CTNNA3: variants seen among roughly 807,000 people sequenced by gnomAD.
The protein encoded by CTNNA3 is catenin alpha-3.
In CTNNA3, 76 loss-of-function variants were observed where a neutral mutation model predicts 95.7. The observed-to-expected ratio is 0.79, with a 90% CI of 0.66 to 0.96. The LOEUF (loss-of-function observed/expected upper bound fraction) is 0.96, where lower values mean the gene tolerates loss of function less well. Among genes scored for constraint, CTNNA3 ranks in the 40% least tolerant of loss-of-function variants. The probability of loss-of-function intolerance (pLI) is 0.00; values close to 1 mark genes in which losing one functional copy is unlikely to be tolerated. For synonymous variants in CTNNA3, 431 were observed against 374.4 expected, an observed-to-expected ratio of 1.15 and a Z score of -1.74; for missense variants, 1,191 against 1,089.8, an observed-to-expected ratio of 1.09 and a Z score of -1.31.
chr10:66,248,358 A>AC (rs58248940), intron 13 of CTNNA3, among the ~76,000 whole-genome samples: 195 of 151,340 alleles, frequency 1.3e-3, no homozygotes, highest in Non-Finnish European at 2.0e-3. Flanking sequence ...TAAAAAAAAA[A>AC]CAGAAAAAAA....
intron 11 of CTNNA3, among the ~76,000 whole-genome samples, chr10:66,474,219 C>T (rs903113524): frequency 3.9e-5 from 6 of 151,930 alleles, no homozygotes; most frequent in African/African-American, 1.5e-4. Context: ...TTATTGATTC[C>T]TTCCCCTCTA....
chr10:66,088,488 TGTG>T (rs2081073195), intron 14 of CTNNA3, among the ~76,000 whole-genome samples: 4 of 27,640 alleles, frequency 1.4e-4, no homozygotes, highest in East Asian at 1.0e-3. Flanking sequence ...AGGTGTTTTG[TGTG>T]TGTGTGTGTG....
intron 7 of CTNNA3, among the ~76,000 whole-genome samples, chr10:67,036,801 A>G (rs929172107): frequency 6.6e-6 from 1 of 152,186 alleles, no homozygotes; most frequent in Non-Finnish European, 1.5e-5. Flanking sequence ...TTCTTCCCTC[A>G]AAACACATAT....
At chr10:66,841,934 G>C (rs1465576552) in intron 7 of CTNNA3, among the ~76,000 whole-genome samples, 1 of 151,982 alleles carries the variant, frequency 6.6e-6, no homozygotes, top group East Asian at 1.9e-4. Flanking sequence ...AATTTCCCAT[G>C]TGCTACTTTT....
chr10:67,637,104 T>TA (rs773898621), intron 2 of CTNNA3, among the ~76,000 whole-genome samples: 13 of 152,238 alleles, frequency 8.5e-5, no homozygotes, highest in East Asian at 7.7e-4. Context: ...GCAAAGAAGT[T>TA]AAAAACCTTG....
chr10:66,131,110 C>A (rs199955565), intron 13 of CTNNA3, among the ~76,000 whole-genome samples: 2 of 149,742 alleles, frequency 1.3e-5, no homozygotes, highest in African/African-American at 4.9e-5. Context: ...CTGGACCAGA[C>A]GGATTCATAG....
At chr10:67,690,073 T>A (rs1840813046) in intron 1 of CTNNA3, among the ~76,000 whole-genome samples, 1 of 152,128 alleles carries the variant, frequency 6.6e-6, no homozygotes, top group Non-Finnish European at 1.5e-5. Context: ...AGATGGTGTG[T>A]CTGGAGTTTA....
chr10:67,146,488 T>C (rs1204931377), intron 7 of CTNNA3, among the ~76,000 whole-genome samples: 1 of 152,196 alleles, frequency 6.6e-6, no homozygotes, highest in Non-Finnish European at 1.5e-5. Flanking sequence ...ATGCATATTA[T>C]AGCCACACAT....
At chr10:67,497,743 A>C (rs561806528) in intron 5 of CTNNA3, among the ~76,000 whole-genome samples, 16 of 152,218 alleles carry the variant, frequency 1.1e-4, no homozygotes, top group African/African-American at 3.9e-4. Context: ...TTTGAGAAAT[A>C]TCTGTTCATA....
chr10:67,253,347 A>G (rs1005837381), intron 5 of CTNNA3, among the ~76,000 whole-genome samples: 3 of 152,190 alleles, frequency 2.0e-5, no homozygotes, highest in Non-Finnish European at 4.4e-5. Context: ...CAAATTATTT[A>G]TTTCTAGATT....
At chr10:67,717,009 C>T (rs1420310653) in intron 1 of CTNNA3, among the ~76,000 whole-genome samples, 2 of 152,178 alleles carry the variant, frequency 1.3e-5, no homozygotes, top group Non-Finnish European at 2.9e-5. Flanking sequence ...TTAATGATCG[C>T]CAGTCTAACT....
chr10:67,170,788 A>C (rs370479148), intron 7 of CTNNA3, among the ~76,000 whole-genome samples: 3 of 152,190 alleles, frequency 2.0e-5, no homozygotes, highest in African/African-American at 7.2e-5. Context: ...AAAAAACCAC[A>C]AACACTATGA....
intron 17 of CTNNA3, among the ~76,000 whole-genome samples, chr10:65,947,720 G>A (rs1352870211): frequency 1.3e-5 from 2 of 152,244 alleles, no homozygotes; most frequent in African/African-American, 4.8e-5. Flanking sequence ...TTGAGTCACT[G>A]AGAATTGGTA....
chr10:66,087,498 G>T (rs976132679), intron 14 of CTNNA3, among the ~76,000 whole-genome samples: 9 of 151,976 alleles, frequency 5.9e-5, no homozygotes, highest in Non-Finnish European at 1.2e-4. Flanking sequence ...ACAAAGAATT[G>T]TCTGGTCCAA....
At chr10:66,418,170 T>G (rs2093162164) in intron 11 of CTNNA3, among the ~76,000 whole-genome samples, 1 of 137,310 alleles carries the variant, frequency 7.3e-6, no homozygotes, top group South Asian at 2.3e-4. Flanking sequence ...CCAAATAAAC[T>G]CAGAAATAAA....
chr10:67,401,521 G>C (rs1244394202), intron 5 of CTNNA3, among the ~76,000 whole-genome samples: 1 of 152,154 alleles, frequency 6.6e-6, no homozygotes, highest in East Asian at 1.9e-4. Context: ...AAACTGGAAA[G>C]GTACCTGGGG....
chr10:66,977,873 G>C (rs1240693617), intron 7 of CTNNA3, among the ~76,000 whole-genome samples: 1 of 152,000 alleles, frequency 6.6e-6, no homozygotes. Flanking sequence ...CTTTCATTTG[G>C]AAACAATACA....
At chr10:67,749,089 T>A (rs1841388636) in intron 1 of CTNNA3, among the ~76,000 whole-genome samples, 1 of 152,142 alleles carries the variant, frequency 6.6e-6, no homozygotes, top group African/African-American at 2.4e-5. Flanking sequence ...ATTAATTCAG[T>A]GAGAAGAACT....
chr10:67,082,991 A>G (rs1425643785), intron 7 of CTNNA3, among the ~76,000 whole-genome samples: 1 of 152,174 alleles, frequency 6.6e-6, no homozygotes, highest in African/African-American at 2.4e-5. Flanking sequence ...TTTCTGCTAT[A>G]GTCATGAGTT....
Sources: gnomAD v4.1 joint callset for allele counts (sites outside exome capture counted in the v4.1 genomes callset) on GRCh38, gnomAD v4.1.1 for gene constraint, MANE v1.5 for transcripts, NCBI Gene and HGNC (gene_info 2026-07-23, HGNC 2026-07-21) for gene names.